NFATC2: variants seen among roughly 807,000 people sequenced by gnomAD.
The protein encoded by NFATC2 is nuclear factor of activated T-cells, cytoplasmic 2.
In NFATC2, 22 loss-of-function variants were observed where a neutral mutation model predicts 87.3. The ratio of observed to expected loss-of-function variants is 0.25; its 90% CI spans 0.18 to 0.36. NFATC2 has a LOEUF of 0.36. NFATC2 is among the 10% of genes least tolerant of loss of function. The probability of loss-of-function intolerance (pLI) is 1.00; values close to 1 mark genes in which losing one functional copy is unlikely to be tolerated. For missense variants in NFATC2, 1,149 were observed against 1,259.1 expected (o/e 0.91, Z 1.32); for synonymous variants, 565 against 542.2 (o/e 1.04, Z -0.58).
At chr20:51,460,810 T>A (rs1987072417) in intron 5 of NFATC2, among the ~76,000 whole-genome samples, 1 of 152,168 alleles carries the variant, frequency 6.6e-6, no homozygotes, top group Non-Finnish European at 1.5e-5. Flanking sequence ...TTTCTCAAAG[T>A]GTGGCTCTCA....
chr20:51,443,087 C>A (rs1213882842), intron 6 of NFATC2, among the ~76,000 whole-genome samples: 1 of 152,216 alleles, frequency 6.6e-6, no homozygotes, highest in South Asian at 2.1e-4. Flanking sequence ...TTGGAACTTG[C>A]TGTTGCCACC....
chr20:51,430,214 A>G (rs1019208144), intron 9 of NFATC2, among the ~76,000 whole-genome samples: 8 of 152,210 alleles, frequency 5.3e-5, no homozygotes, highest in Middle Eastern at 6.8e-3. Flanking sequence ...TCAGCTGGGG[A>G]AAATTATCCA....
intron 1 of NFATC2, among the ~76,000 whole-genome samples, chr20:51,555,023 G>C (rs965879399): frequency 6.6e-6 from 1 of 152,150 alleles, no homozygotes; most frequent in African/African-American, 2.4e-5. Flanking sequence ...CACAGTTTGA[G>C]AACCCTAAAG....
chr20:51,424,666 A>G (rs1201950050), intron 9 of NFATC2, among the ~76,000 whole-genome samples: 1 of 152,160 alleles, frequency 6.6e-6, no homozygotes, highest in Non-Finnish European at 1.5e-5. Flanking sequence ...CAACCATCCA[A>G]TTCCTGAGAA....
chr20:51,559,787 G>A (rs190888606), intron 1 of NFATC2, among the ~76,000 whole-genome samples: 7 of 152,290 alleles, frequency 4.6e-5, no homozygotes, highest in African/African-American at 9.6e-5. Flanking sequence ...GGGCAAAGCC[G>A]GGTCTCACTA....
intron 5 of NFATC2, among the ~76,000 whole-genome samples, chr20:51,455,206 C>T (rs922199186): frequency 1.3e-5 from 2 of 152,152 alleles, no homozygotes; most frequent in Non-Finnish European, 2.9e-5. Context: ...TTAACATAGT[C>T]GTTAAGACAT....
chr20:51,387,650 G>C lies in NFATC2; in HGVS notation c.*3846C>G, dbSNP rs377658642. On this transcript the variant is annotated 3_prime_UTR_variant, in exon 11 of 11. Transcript: ENST00000371564. ...TACTTGCTATGCAATTGGCTGCTTT[G>C]GTTCCACGAAACGTAATGCCCTAGC... 26 of 152,154 alleles carry C rather than the reference G, an allele frequency of 1.7e-4. No homozygotes were observed. In the East Asian group the frequency reaches 4.5e-3, roughly 26 times the overall value. 9.4% of individuals were successfully genotyped at this position (152,154 alleles called of 1,614,324 possible).
chr20:51,393,410 T>C (rs1410292745), intron 10 of NFATC2, among the ~76,000 whole-genome samples: 1 of 151,404 alleles, frequency 6.6e-6, no homozygotes, highest in Admixed American at 6.6e-5. Context: ...GACCAGTATA[T>C]ATGTATTAGA....
chr20:51,535,922 C>T (rs940969411), intron 1 of NFATC2, among the ~76,000 whole-genome samples: 1 of 152,158 alleles, frequency 6.6e-6, no homozygotes, highest in Non-Finnish European at 1.5e-5. Context: ...GTCCCAAATA[C>T]CAACCCAGGA....
intron 9 of NFATC2, among the ~76,000 whole-genome samples, chr20:51,410,059 A>C (rs1978950548): frequency 6.6e-6 from 1 of 152,130 alleles, no homozygotes; most frequent in African/African-American, 2.4e-5. Flanking sequence ...AAATACAAAA[A>C]ATTAGCCAGG....
chr20:51,441,495 C>A (rs1017940643), intron 6 of NFATC2, among the ~76,000 whole-genome samples: 21 of 152,074 alleles, frequency 1.4e-4, no homozygotes, highest in Middle Eastern at 3.4e-3. Context: ...GTAGGTGGAC[C>A]ACCTGAGGTC....
At chr20:51,541,445 C>G (rs551220553) in intron 1 of NFATC2, among the ~76,000 whole-genome samples, 1 of 152,168 alleles carries the variant, frequency 6.6e-6, no homozygotes, top group South Asian at 2.1e-4. Context: ...CCGCTTCCCC[C>G]TCCTCCTCCT....
intron 6 of NFATC2, among the ~76,000 whole-genome samples, chr20:51,448,396 C>G (rs1985348955): frequency 6.6e-6 from 1 of 152,178 alleles, no homozygotes; most frequent in Admixed American, 6.5e-5. Flanking sequence ...AATCCCAACA[C>G]TTTGGGAGGC....
At chr20:51,411,061 T>G (rs1053183563) in intron 9 of NFATC2, among the ~76,000 whole-genome samples, 1 of 152,178 alleles carries the variant, frequency 6.6e-6, no homozygotes, top group Non-Finnish European at 1.5e-5. Context: ...GTGCCAGGCC[T>G]TGTTCTAAGC....
intron 9 of NFATC2, among the ~76,000 whole-genome samples, chr20:51,412,890 C>G (rs1221202776): frequency 6.6e-6 from 1 of 151,966 alleles, no homozygotes; most frequent in Non-Finnish European, 1.5e-5. Context: ...CCAAGCACAA[C>G]AGAACAACAA....
chr20:51,428,437 G>A lies in NFATC2; in HGVS notation c.2722+3630C>T, dbSNP rs781327716. Among the ~76,000 whole-genome samples the A allele has an allele frequency of 7.2e-5, 11 of 152,332 alleles. No homozygotes were observed. In the South Asian group the frequency reaches 8.3e-4, roughly 11 times the overall value. On this transcript the variant is annotated intron_variant, in intron 9 of 10. Transcript: ENST00000371564. Reference sequence around the variant, plus strand: ...TTTTCCAAAGAGACTTCTTGAAAACGTCTCAAGTACTCGGAGTGGAGAAAG... The same window carrying A: ...TTTTCCAAAGAGACTTCTTGAAAACATCTCAAGTACTCGGAGTGGAGAAAG...
intron 9 of NFATC2, among the ~76,000 whole-genome samples, chr20:51,404,204 C>G (rs1016428575): frequency 6.6e-5 from 10 of 152,208 alleles, no homozygotes; most frequent in African/African-American, 2.2e-4. Context: ...CTCAGCTGTC[C>G]TGGCGAGGGG....
chr20:51,437,816 C>CA (rs1258570838), intron 6 of NFATC2, among the ~76,000 whole-genome samples: 1 of 152,150 alleles, frequency 6.6e-6, no homozygotes, highest in Non-Finnish European at 1.5e-5. Context: ...GGGACCAAGT[C>CA]ATATTTATCA....
chr20:51,399,945 A>C (rs775766644), intron 9 of NFATC2, among the ~76,000 whole-genome samples: 16 of 152,172 alleles, frequency 1.1e-4, no homozygotes, highest in Middle Eastern at 3.2e-3. Context: ...TACCTGCCCA[A>C]ACTTCACAGG....
Sources: allele counts gnomAD v4.1 joint callset (sites outside exome capture counted in the v4.1 genomes callset), GRCh38; gene constraint gnomAD v4.1.1; transcripts MANE v1.5; gene names NCBI Gene and HGNC (gene_info 2026-07-23, HGNC 2026-07-21).